CCDC91: variants seen among roughly 807,000 people sequenced by gnomAD.
CCDC91 encodes coiled-coil domain containing 91, also known as coiled-coil domain-containing protein 91.
Under a neutral mutation model 63.2 loss-of-function variants are expected in CCDC91, and 48 were observed. That is an observed-to-expected ratio of 0.76 (90% CI 0.60 to 0.97). The LOEUF is 0.97. CCDC91 is among the 50% of genes least tolerant of loss of function. CCDC91 has a pLI of 0.00. For synonymous variants in CCDC91, 167 were observed against 165.8 expected (o/e 1.01, Z -0.06); for missense variants, 500 against 494.6 (o/e 1.01, Z -0.10).
At chr12:28,463,049 A>G (rs1211879445) in intron 11 of CCDC91, among the ~76,000 whole-genome samples, 2 of 152,196 alleles carry the variant, frequency 1.3e-5, no homozygotes, top group Non-Finnish European at 2.9e-5. Context: ...TATTTACTAT[A>G]TACATGAAAA....
intron 1 of CCDC91, chr12:28,255,744 T>C (rs1170053262): frequency 6.6e-6 from 1 of 152,190 alleles, no homozygotes; most frequent in African/African-American, 2.4e-5. Flanking sequence ...TGTCTAAATA[T>C]ATATTTTTTA....
At chr12:28,385,380 A>C (rs1008472018) in intron 7 of CCDC91, among the ~76,000 whole-genome samples, 2 of 152,252 alleles carry the variant, frequency 1.3e-5, no homozygotes, top group East Asian at 1.9e-4. Context: ...TACTCAATGT[A>C]TTTGTCATAT....
Position 28,252,219 on chromosome 12 carries a change from C to T in CCDC91, c.-14-4983C>T, listed in dbSNP as rs116260714. 7.3e-3 allele frequency among the ~76,000 whole-genome samples: 1,104 copies of T among 152,096 alleles called. 16 individuals are homozygous for T. The highest frequency in any genetic ancestry group is 0.026 in the African/African-American group (1,076 of 41,506). On this transcript the variant is annotated intron_variant, in intron 1 of 12. Transcript: ENST00000536442. ...TCTCTGGAAGCTTGTAGGATCTTCC[C>T]TTTGTCTCTACTGTGCCTTGCTGTG...
intron 12 of CCDC91, among the ~76,000 whole-genome samples, chr12:28,535,040 C>T (rs1480198310): frequency 6.6e-6 from 1 of 152,156 alleles, no homozygotes; most frequent in Non-Finnish European, 1.5e-5. Context: ...GACACTCATA[C>T]AGCTTTTGAC....
intron 8 of CCDC91, among the ~76,000 whole-genome samples, chr12:28,394,242 C>A (rs542903369): frequency 1.3e-5 from 2 of 151,980 alleles, no homozygotes; most frequent in Admixed American, 6.6e-5. Flanking sequence ...CACGGCGGGC[C>A]GATCACAAGG....
intron 8 of CCDC91, among the ~76,000 whole-genome samples, chr12:28,430,330 G>A (rs962153018): frequency 6.6e-5 from 10 of 151,948 alleles, no homozygotes; most frequent in African/African-American, 2.4e-4. Flanking sequence ...TTAGATGTAG[G>A]ATTTACTCTC....
chr12:28,533,253 C>A (rs777352032), intron 12 of CCDC91, among the ~76,000 whole-genome samples: 4 of 152,022 alleles, frequency 2.6e-5, no homozygotes, highest in Non-Finnish European at 4.4e-5. Context: ...AAAATATTTT[C>A]ATTGAATCTC....
At chr12:28,401,036 T>C (rs933791768) in intron 8 of CCDC91, among the ~76,000 whole-genome samples, 14 of 152,286 alleles carry the variant, frequency 9.2e-5, no homozygotes, top group African/African-American at 3.1e-4. Flanking sequence ...GCTCTCCAAA[T>C]GGTTCCAATC....
chr12:28,237,509 A>G (rs766832641), intron 1 of CCDC91, among the ~76,000 whole-genome samples: 33 of 152,188 alleles, frequency 2.2e-4, no homozygotes, highest in Non-Finnish European at 4.1e-4. Flanking sequence ...GTGTGAAGAT[A>G]GAGTAGAAAG....
intron 4 of CCDC91, among the ~76,000 whole-genome samples, chr12:28,306,540 GA>G (rs1938751925): frequency 6.6e-6 from 1 of 152,012 alleles, no homozygotes; most frequent in Non-Finnish European, 1.5e-5. Flanking sequence ...AAATTAAGAG[GA>G]AATTTTGTTT....
At chr12:28,370,358 G>A (rs1432738599) in intron 7 of CCDC91, among the ~76,000 whole-genome samples, 1 of 152,168 alleles carries the variant, frequency 6.6e-6, no homozygotes, top group Admixed American at 6.5e-5. Flanking sequence ...GGGGCAAAAT[G>A]CTGTTGAGTC....
intron 12 of CCDC91, among the ~76,000 whole-genome samples, chr12:28,488,787 C>T (rs1241948897): frequency 2.6e-5 from 4 of 151,938 alleles, no homozygotes; most frequent in East Asian, 1.9e-4. Context: ...TTCTGTGGAT[C>T]AGCAAGGTAC....
At chr12:28,352,688 A>T (rs1194765260) in intron 6 of CCDC91, among the ~76,000 whole-genome samples, 1 of 152,130 alleles carries the variant, frequency 6.6e-6, no homozygotes, top group African/African-American at 2.4e-5. Flanking sequence ...TATTATTATT[A>T]TTTTTAGCAG....
chr12:28,291,095 A>C (rs1949220850), intron 3 of CCDC91, among the ~76,000 whole-genome samples: 1 of 152,182 alleles, frequency 6.6e-6, no homozygotes, highest in Admixed American at 6.5e-5. Flanking sequence ...CATCTTTATT[A>C]AGCAAATTAG....
chr12:28,500,189 G>GTT (rs568424267), intron 12 of CCDC91, among the ~76,000 whole-genome samples: 4,290 of 126,176 alleles, frequency 0.034, 178 homozygotes, highest in African/African-American at 0.099. Context: ...TTTTGATGGG[G>GTT]TTTTTTTTTT....
intron 6 of CCDC91, among the ~76,000 whole-genome samples, chr12:28,362,205 A>G (rs1390529307): frequency 1.3e-5 from 2 of 151,062 alleles, no homozygotes; most frequent in South Asian, 2.1e-4. Context: ...ACCTCTCAAC[A>G]TGGTTTTCCT....
At chr12:28,503,151 A>G (rs544889041) in intron 12 of CCDC91, among the ~76,000 whole-genome samples, 79 of 152,314 alleles carry the variant, frequency 5.2e-4, no homozygotes, top group Non-Finnish European at 9.1e-4. Flanking sequence ...CAGGCAACCT[A>G]TAAAATGGGA....
intron 12 of CCDC91, among the ~76,000 whole-genome samples, chr12:28,548,097 A>G (rs940608258): frequency 4.6e-5 from 7 of 152,058 alleles, no homozygotes; most frequent in Admixed American, 4.6e-4. Flanking sequence ...AATAATGTTT[A>G]CCATCCAGAG....
intron 12 of CCDC91, among the ~76,000 whole-genome samples, chr12:28,542,563 C>A (rs902992342): frequency 6.6e-6 from 1 of 152,010 alleles, no homozygotes; most frequent in African/African-American, 2.4e-5. Flanking sequence ...GAGGTTAGGC[C>A]TAAATTTTCT....
Sources: allele counts gnomAD v4.1 joint callset (sites outside exome capture counted in the v4.1 genomes callset), GRCh38; gene constraint gnomAD v4.1.1; transcripts MANE v1.5; gene names NCBI Gene and HGNC (gene_info 2026-07-23, HGNC 2026-07-21).